ASH1L: variants seen among roughly 807,000 people sequenced by gnomAD.
ASH1L encodes ASH1 like histone lysine methyltransferase.
In ASH1L, 23 loss-of-function variants were observed where a neutral mutation model predicts 269.0. The ratio of observed to expected loss-of-function variants is 0.09; its 90% CI spans 0.06 to 0.12. ASH1L has a LOEUF of 0.12. ASH1L is among the 10% of genes least tolerant of loss of function. The pLI is 1.00. For synonymous variants in ASH1L, 1,187 were observed against 1,253.5 expected (o/e 0.95, Z 1.12); for missense variants, 2,912 against 3,567.8 (o/e 0.82, Z 4.68).
intron 27 of ASH1L, 123 bp from the exon 28 acceptor site, chr1:155,337,874 C>A: frequency 9.3e-7 from 1 of 1,080,502 alleles, no homozygotes; most frequent in Non-Finnish European, 1.4e-6. Flanking sequence ...CAATTTAGCC[C>A]ATCCTCCAAC....
At chr1:155,540,478 G>C (rs888864197) in intron 1 of ASH1L, among the ~76,000 whole-genome samples, 1 of 152,092 alleles carries the variant, frequency 6.6e-6, no homozygotes, top group South Asian at 2.1e-4. Flanking sequence ...CCAAAAAAAA[G>C]CAAGCACTCA....
chr1:155,508,166 C>G (rs1394416967), intron 2 of ASH1L, among the ~76,000 whole-genome samples: 2 of 152,174 alleles, frequency 1.3e-5, no homozygotes, highest in East Asian at 3.8e-4. Context: ...ACTTCCATCT[C>G]TACTTTCACT....
chr1:155,380,720 T>G (rs929460496), intron 7 of ASH1L, among the ~76,000 whole-genome samples: 1 of 151,820 alleles, frequency 6.6e-6, no homozygotes, highest in African/African-American at 2.4e-5. Flanking sequence ...AACCTCCGCC[T>G]CCTGGGTTTA....
At chr1:155,456,916 T>C (rs750108085) in intron 4 of ASH1L, among the ~76,000 whole-genome samples, 7 of 152,200 alleles carry the variant, frequency 4.6e-5, no homozygotes, top group Non-Finnish European at 7.3e-5. Context: ...TCTAGTCCCA[T>C]TGACACAAGA....
chr1:155,476,538 A>G (rs893243781), intron 3 of ASH1L, among the ~76,000 whole-genome samples: 1 of 151,970 alleles, frequency 6.6e-6, no homozygotes. Context: ...TCCCTAATAC[A>G]CAAGTCTTTT....
intron 1 of ASH1L, among the ~76,000 whole-genome samples, chr1:155,525,961 TATAA>T (rs1191419391): frequency 2.0e-5 from 3 of 152,212 alleles, no homozygotes; most frequent in East Asian, 3.8e-4. Context: ...GTAAATGATA[TATAA>T]ATAGTTATTA....
chr1:155,449,226 G>A (rs942907064), intron 4 of ASH1L, among the ~76,000 whole-genome samples: 1 of 152,238 alleles, frequency 6.6e-6, no homozygotes, highest in Admixed American at 6.5e-5. Flanking sequence ...GAGCCACCAC[G>A]CCCGGCCCTA....
chr1:155,528,960 T>A (rs1669461300), intron 1 of ASH1L, among the ~76,000 whole-genome samples: 1 of 152,164 alleles, frequency 6.6e-6, no homozygotes, highest in South Asian at 2.1e-4. Flanking sequence ...TATTTGATTT[T>A]CTGTTCCTGC....
chr1:155,462,380 TCTTGATGAAGG>T (rs1664372739), intron 3 of ASH1L, among the ~76,000 whole-genome samples: 1 of 152,182 alleles, frequency 6.6e-6, no homozygotes, highest in Non-Finnish European at 1.5e-5. Context: ...TTCAAGAAAG[TCTTGATGAAGG>T]CTTCAACTGT....
intron 5 of ASH1L, among the ~76,000 whole-genome samples, chr1:155,423,546 C>A (rs567053644): frequency 2.6e-5 from 4 of 151,880 alleles, no homozygotes; most frequent in Admixed American, 6.6e-5. Flanking sequence ...TCCAGCCTGG[C>A]GACAGAGCAA....
At chr1:155,418,793 G>C (rs1270066433) in intron 5 of ASH1L, among the ~76,000 whole-genome samples, 1 of 152,170 alleles carries the variant, frequency 6.6e-6, no homozygotes, top group Non-Finnish European at 1.5e-5. Context: ...AAAGAGGCTG[G>C]GCGCAGTGGC....
At chr1:155,389,877 CTT>C (rs1018913896) in intron 7 of ASH1L, among the ~76,000 whole-genome samples, 17 of 118,400 alleles carry the variant, frequency 1.4e-4, no homozygotes, top group East Asian at 2.5e-4. Context: ...CTACCAGTAG[CTT>C]TTTTTTTTTT....
chr1:155,419,450 T>C (rs1459455335), intron 5 of ASH1L: 2 of 152,010 alleles, frequency 1.3e-5, no homozygotes, highest in African/African-American at 2.4e-5. Flanking sequence ...GAGATGAGCA[T>C]GGCCCTGGTG....
At chr1:155,523,397 G>T (rs1654364930) in intron 1 of ASH1L, among the ~76,000 whole-genome samples, 2 of 152,174 alleles carry the variant, frequency 1.3e-5, no homozygotes, top group African/African-American at 4.8e-5. Context: ...GGAGACTGAG[G>T]TGGGAGATCA....
chr1:155,466,853 G>A (rs1042708019), intron 3 of ASH1L, among the ~76,000 whole-genome samples: 2 of 152,032 alleles, frequency 1.3e-5, no homozygotes, highest in Non-Finnish European at 2.9e-5. Flanking sequence ...TAGAGAAATT[G>A]TTTGAGATCA....
chr1:155,368,342 G>C (rs942593466), intron 12 of ASH1L, among the ~76,000 whole-genome samples: 1 of 151,960 alleles, frequency 6.6e-6, no homozygotes, highest in African/African-American at 2.4e-5. Flanking sequence ...GAAGACATCT[G>C]GTTCTCCAGG....
intron 1 of ASH1L, among the ~76,000 whole-genome samples, chr1:155,531,294 C>T (rs775949125): frequency 2.6e-5 from 4 of 151,448 alleles, no homozygotes; most frequent in Non-Finnish European, 4.4e-5. Context: ...GAAAGAATTC[C>T]ATGTCTTAAT....
intron 1 of ASH1L, among the ~76,000 whole-genome samples, chr1:155,536,886 C>CA (rs565736796): frequency 8.0e-5 from 12 of 150,176 alleles, no homozygotes; most frequent in African/African-American, 2.4e-4. Flanking sequence ...ACCAAAAATA[C>CA]AAAAAAAAAT....
intron 6 of ASH1L, among the ~76,000 whole-genome samples, chr1:155,410,095 C>CA (rs957557007): frequency 6.4e-4 from 89 of 139,836 alleles, no homozygotes; most frequent in South Asian, 5.6e-3. Context: ...AACTCCATCT[C>CA]AAAAAAAAAA....
Sources: allele counts gnomAD v4.1 joint callset (sites outside exome capture counted in the v4.1 genomes callset), GRCh38; gene constraint gnomAD v4.1.1; transcripts MANE v1.5; gene names NCBI Gene and HGNC (gene_info 2026-07-23, HGNC 2026-07-21).